The following FDFT1 variants were observed in gnomAD, a reference collection of about 807,000 sequenced individuals.
FDFT1 encodes the protein squalene synthase.
FDFT1 carries 68 observed loss-of-function variants against 46.8 expected under a neutral mutation model. The ratio of observed to expected loss-of-function variants is 1.45; its 90% CI spans 1.19 to 1.78. The LOEUF (loss-of-function observed/expected upper bound fraction) is 1.78. FDFT1 is among the 40% of genes most tolerant of loss of function. FDFT1 has a pLI of 0.00. For missense variants in FDFT1, 928 were observed against 524.4 expected (o/e 1.77, Z -7.52); for synonymous variants, 351 against 185.1 (o/e 1.90, Z -7.28).
intron 3 of FDFT1, among the ~76,000 whole-genome samples, chr8:11,818,324 G>C (rs1475676193): frequency 6.6e-6 from 1 of 152,174 alleles, no homozygotes; most frequent in Non-Finnish European, 1.5e-5. Context: ...GTGCTGAGAA[G>C]AATGTATATT....
intron 7 of FDFT1, among the ~76,000 whole-genome samples, chr8:11,835,040 C>T (rs988038086): frequency 6.6e-6 from 1 of 152,160 alleles, no homozygotes; most frequent in Non-Finnish European, 1.5e-5. Flanking sequence ...ATGAGCATCG[C>T]TTGAACTCGG....
upstream of FDFT1, chr8:11,802,426 G>C (rs1563289615): frequency 8.7e-6 from 4 of 458,796 alleles, no homozygotes; most frequent in South Asian, 1.5e-5. Context: ...CTCACCTCCA[G>C]TCCCCACAGC....
chr8:11,804,282 C>T (rs917712046), intron 1 of FDFT1, among the ~76,000 whole-genome samples: 1 of 152,126 alleles, frequency 6.6e-6, no homozygotes, highest in Non-Finnish European at 1.5e-5. Context: ...TCCTCTATGT[C>T]TCTTTCCTTT....
chr8:11,836,933 T>C (rs766273102), intron 7 of FDFT1, among the ~76,000 whole-genome samples: 5 of 152,204 alleles, frequency 3.3e-5, no homozygotes, highest in Admixed American at 6.5e-5. Flanking sequence ...AGGGCTAGGC[T>C]GGAGATAAAA....
chr8:11,829,876 C>T (rs1016082169), intron 5 of FDFT1, among the ~76,000 whole-genome samples: 6 of 151,720 alleles, frequency 4.0e-5, no homozygotes, highest in African/African-American at 1.5e-4. Flanking sequence ...GTGACGGAGT[C>T]TCACTCTTTC....
intron 7 of FDFT1, among the ~76,000 whole-genome samples, chr8:11,833,826 G>C (rs1022804255): frequency 6.6e-6 from 1 of 152,184 alleles, no homozygotes; most frequent in Non-Finnish European, 1.5e-5. Context: ...TAGGGTATCA[G>C]TTGTTCTGTT....
chr8:11,816,397 C>T (rs1808454487), intron 3 of FDFT1, among the ~76,000 whole-genome samples: 1 of 152,132 alleles, frequency 6.6e-6, no homozygotes, highest in South Asian at 2.1e-4. Flanking sequence ...TTTTCCAATT[C>T]TGTGAAGAAA....
upstream of FDFT1, chr8:11,797,990 G>T (rs1186616331): frequency 1.3e-5 from 2 of 152,248 alleles, no homozygotes; most frequent in African/African-American, 4.8e-5. Flanking sequence ...ATGCCAGAAG[G>T]CTTGATTTCC....
chr8:11,810,204 G>C (rs1247631484), intron 3 of FDFT1, among the ~76,000 whole-genome samples: 1 of 152,158 alleles, frequency 6.6e-6, no homozygotes, highest in Non-Finnish European at 1.5e-5. Context: ...TATCAGTATT[G>C]GAAGTCCAGT....
At chr8:11,828,585 G>A (rs1236363793) in intron 5 of FDFT1, among the ~76,000 whole-genome samples, 5 of 152,238 alleles carry the variant, frequency 3.3e-5, no homozygotes, top group Non-Finnish European at 5.9e-5. Flanking sequence ...ATGCATGAGC[G>A]TGAGCCACAC....
chr8:11,830,480 G>A (rs137899191), intron 6 of FDFT1, 60 bp downstream of exon 6: 2 of 1,258,722 alleles, frequency 1.6e-6, no homozygotes, highest in Non-Finnish European at 2.3e-6. Context: ...TAGGAGTAAG[G>A]GTGGATTTTG....
intron 6 of FDFT1, among the ~76,000 whole-genome samples, chr8:11,830,721 A>C (rs1223340541): frequency 6.6e-6 from 1 of 152,162 alleles, no homozygotes; most frequent in Non-Finnish European, 1.5e-5. Context: ...GCTTAGATTT[A>C]TGGGGAGTGC....
At chr8:11,812,973 T>C (rs1412252896) in intron 3 of FDFT1, among the ~76,000 whole-genome samples, 9 of 152,252 alleles carry the variant, frequency 5.9e-5, no homozygotes, top group Non-Finnish European at 1.0e-4. Context: ...CATCATAGAG[T>C]GTACTTACAC....
intron 5 of FDFT1, among the ~76,000 whole-genome samples, chr8:11,829,594 TA>T (rs1452073642): frequency 6.6e-6 from 1 of 152,322 alleles, no homozygotes; most frequent in African/African-American, 2.4e-5. Flanking sequence ...TATATTGGGT[TA>T]TTTTTTTCAG....
intron 7 of FDFT1, among the ~76,000 whole-genome samples, chr8:11,837,429 A>G (rs1360181263): frequency 6.6e-6 from 1 of 152,124 alleles, no homozygotes; most frequent in African/African-American, 2.4e-5. Flanking sequence ...ACAGGGTTTT[A>G]CTGTGTTGTC....
chr8:11,815,219 G>A (rs113452375), intron 3 of FDFT1, among the ~76,000 whole-genome samples: 36 of 152,216 alleles, frequency 2.4e-4, no homozygotes, highest in African/African-American at 7.5e-4. Flanking sequence ...TTATGGCTGT[G>A]TAGTATTCCA....
chr8:11,801,610 G>C, upstream of FDFT1: 2 of 191,912 alleles, frequency 1.0e-5, no homozygotes, highest in South Asian at 1.5e-4. Flanking sequence ...ATGAGCCACC[G>C]CGCTCGGCTA....
chr8:11,832,071 C>G (rs896159347), intron 7 of FDFT1, among the ~76,000 whole-genome samples: 3 of 152,180 alleles, frequency 2.0e-5, no homozygotes, highest in Non-Finnish European at 4.4e-5. Flanking sequence ...GACACCCAGT[C>G]TGGTACTTTC....
At chr8:11,837,220 AGTT>A (rs1811665203) in intron 7 of FDFT1, among the ~76,000 whole-genome samples, 1 of 151,958 alleles carries the variant, frequency 6.6e-6, no homozygotes, top group South Asian at 2.1e-4. Flanking sequence ...AACAGTAGAC[AGTT>A]GTTCTTTTGT....
Sources: allele counts gnomAD v4.1 joint callset (sites outside exome capture counted in the v4.1 genomes callset), GRCh38; gene constraint gnomAD v4.1.1; transcripts MANE v1.5; gene names NCBI Gene and HGNC (gene_info 2026-07-23, HGNC 2026-07-21).